Variants in MATCAP1 observed in about 807,000 individuals in gnomAD.
The protein encoded by MATCAP1 is microtubule associated tyrosine carboxypeptidase 1.
At chr16:67,182,673 T>C in the MATCAP1 span, among the ~76,000 whole-genome samples, 1 of 152,250 alleles carries the variant, frequency 6.6e-6, no homozygotes, top group Non-Finnish European at 1.5e-5. Context: ...AATAGGCATA[T>C]CAAACAGAAT....
chr16:67,178,202 G>T, the MATCAP1 span: 1 of 1,537,764 alleles, frequency 6.5e-7, no homozygotes, highest in South Asian at 1.2e-5. Flanking sequence ...CGCACACCTG[G>T]CAGCGAGGTG....
chr16:67,178,377 C>A, the MATCAP1 span: 6 of 1,558,598 alleles, frequency 3.8e-6, no homozygotes, highest in African/African-American at 1.4e-5. Flanking sequence ...GCTTGCGGAA[C>A]AGCACGCTGT....
chr16:67,178,301 G>A, the MATCAP1 span: 2 of 1,582,118 alleles, frequency 1.3e-6, no homozygotes, highest in East Asian at 2.3e-5. Context: ...AAGAGCTGAC[G>A]GAAGGACATG....
chr16:67,176,923 G>C, the MATCAP1 span: 3 of 1,607,418 alleles, frequency 1.9e-6, no homozygotes, highest in Middle Eastern at 1.7e-4. This position sits in a 1 kb window ranked among gnomAD's most constrained non-coding sequence, Gnocchi z 4.3. Context: ...GGGCACCCGG[G>C]TATTATCCAG....
At chr16:67,179,863 T>C in the MATCAP1 span, 1 of 1,614,056 alleles carries the variant, frequency 6.2e-7, no homozygotes, top group African/African-American at 1.3e-5. This position sits in a 1 kb window ranked among gnomAD's most constrained non-coding sequence, Gnocchi z 5.2. Flanking sequence ...CAATCGACCA[T>C]ATCTGGCACT....
At chr16:67,178,181 C>T in the MATCAP1 span, 1 of 1,537,626 alleles carries the variant, frequency 6.5e-7, no homozygotes, top group Non-Finnish European at 8.8e-7. Context: ...TAGGCACCTC[C>T]CCCGCGCTGG....
chr16:67,176,778 T>C, the MATCAP1 span: 10 of 1,526,164 alleles, frequency 6.6e-6, no homozygotes, highest in Non-Finnish European at 8.8e-6. The surrounding 1 kb of genome is among the most constrained non-coding windows in gnomAD (Gnocchi z 4.3). Flanking sequence ...GGAGCTTCTG[T>C]CCAGGGCCTC....
At chr16:67,181,732 A>G in the MATCAP1 span, 2 of 152,148 alleles carry the variant, frequency 1.3e-5, no homozygotes, top group Admixed American at 6.6e-5. Context: ...ACTAGAACCC[A>G]CACTCCTCCA....
the MATCAP1 span, chr16:67,179,054 A>T: frequency 8.9e-7 from 1 of 1,122,932 alleles, no homozygotes; most frequent in Non-Finnish European, 1.1e-6. This position sits in a 1 kb window ranked among gnomAD's most constrained non-coding sequence, Gnocchi z 5.2. Flanking sequence ...CATTCCCAGG[A>T]CCTGGCCTTC....
chr16:67,181,900 G>A, the MATCAP1 span, among the ~76,000 whole-genome samples: 1 of 152,116 alleles, frequency 6.6e-6, no homozygotes, highest in Non-Finnish European at 1.5e-5. Context: ...ATCTGATCAA[G>A]GTCACCAATG....
chr16:67,179,862 A>G, the MATCAP1 span: 2 of 1,614,186 alleles, frequency 1.2e-6, no homozygotes, highest in African/African-American at 1.3e-5. The surrounding 1 kb of genome is among the most constrained non-coding windows in gnomAD (Gnocchi z 5.2). Flanking sequence ...ACAATCGACC[A>G]TATCTGGCAC....
At chr16:67,178,129 G>T in the MATCAP1 span, 1 of 1,601,388 alleles carries the variant, frequency 6.2e-7, no homozygotes, top group East Asian at 2.3e-5. Context: ...GGAGGGCGGT[G>T]AGCCCCGCCC....
chr16:67,178,484 C>G, the MATCAP1 span: 1 of 1,529,838 alleles, frequency 6.5e-7, no homozygotes. Context: ...GCGTTGTTCA[C>G]GCCCCGCAGG....
At chr16:67,179,561 A>C in the MATCAP1 span, 1 of 1,611,750 alleles carries the variant, frequency 6.2e-7, no homozygotes, top group Non-Finnish European at 8.5e-7. The surrounding 1 kb of genome is among the most constrained non-coding windows in gnomAD (Gnocchi z 5.2). Context: ...CTGCACCACA[A>C]CCTGCAGGTG....
At chr16:67,176,384 T>G in the MATCAP1 span, 3 of 156,728 alleles carry the variant, frequency 1.9e-5, no homozygotes, top group African/African-American at 7.3e-5. This position sits in a 1 kb window ranked among gnomAD's most constrained non-coding sequence, Gnocchi z 4.3. Context: ...CAGGACCCAG[T>G]GAGAGGTAGA....
At chr16:67,177,459 T>A in the MATCAP1 span, among the ~76,000 whole-genome samples, 922 of 152,300 alleles carry the variant, frequency 6.1e-3, 8 homozygotes, top group African/African-American at 0.021. Context: ...AGCTTGTCCC[T>A]TCATCTCCAA....
the MATCAP1 span, chr16:67,178,738 C>A: frequency 1.4e-6 from 1 of 695,388 alleles, no homozygotes; most frequent in Non-Finnish European, 2.6e-6. Flanking sequence ...AATCCTCTCC[C>A]ACCCATCCGC....
At chr16:67,176,948 G>A in the MATCAP1 span, 966 of 1,587,822 alleles carry the variant, frequency 6.1e-4, 1 homozygote, top group Non-Finnish European at 8.0e-4. This position sits in a 1 kb window ranked among gnomAD's most constrained non-coding sequence, Gnocchi z 4.3. Context: ...CCATGGGGCC[G>A]CAGGTGGTCC....
the MATCAP1 span, chr16:67,179,238 T>G: frequency 7.1e-7 from 1 of 1,417,838 alleles, no homozygotes; most frequent in Non-Finnish European, 9.2e-7. The surrounding 1 kb of genome is among the most constrained non-coding windows in gnomAD (Gnocchi z 5.2). Flanking sequence ...GCCCAGAGCA[T>G]GGGCAGGCAT....
Sources: allele counts gnomAD v4.1 joint callset (sites outside exome capture counted in the v4.1 genomes callset), GRCh38; gene constraint gnomAD v4.1.1; non-coding constraint Gnocchi (gnomAD v3.1); transcripts MANE v1.5; gene names NCBI Gene and HGNC (gene_info 2026-07-23, HGNC 2026-07-21).